PEX7: variants seen among roughly 807,000 people sequenced by gnomAD.
The protein encoded by PEX7 is peroxisomal biogenesis factor 7.
A neutral mutation model predicts 47.5 loss-of-function variants in PEX7; 34 were observed. That is an observed-to-expected ratio of 0.72 (90% CI 0.54 to 0.95). The LOEUF is 0.95. Among genes scored for constraint, PEX7 ranks in the 40% least tolerant of loss-of-function variants. The pLI is 0.00. For synonymous variants in PEX7, 141 were observed against 148.8 expected, an observed-to-expected ratio of 0.95 and a Z score of 0.38; for missense variants, 394 against 400.3, an observed-to-expected ratio of 0.98 and a Z score of 0.13.
intron 8 of PEX7, among the ~76,000 whole-genome samples, chr6:136,891,679 C>T (rs1348160834): frequency 2.0e-5 from 3 of 148,128 alleles, no homozygotes; most frequent in African/African-American, 5.0e-5. Flanking sequence ...GACAGAGTCT[C>T]ACTCTGTTGC....
intron 9 of PEX7, chr6:136,901,028 G>T (rs1411562333): frequency 4.8e-6 from 1 of 206,344 alleles, no homozygotes; most frequent in African/African-American, 2.3e-5. Context: ...GTCCCTTTTG[G>T]GCTGGATGTC....
At chr6:136,825,426 T>C (rs911024171) in intron 2 of PEX7, among the ~76,000 whole-genome samples, 155 bp downstream of exon 2, 2 of 152,174 alleles carry the variant, frequency 1.3e-5, no homozygotes, top group African/African-American at 2.4e-5. Context: ...ATTGTGGTGG[T>C]GCGCACCTGT....
At chr6:136,823,935 A>G (rs1014409996) in intron 1 of PEX7, among the ~76,000 whole-genome samples, 2 of 152,246 alleles carry the variant, frequency 1.3e-5, no homozygotes, top group Non-Finnish European at 2.9e-5. Flanking sequence ...GAAAAGGCGT[A>G]GGTTCATTCT....
chr6:136,866,442 C>G (rs1056807871), intron 5 of PEX7, among the ~76,000 whole-genome samples, 185 bp from the exon 6 acceptor site: 1 of 152,108 alleles, frequency 6.6e-6, no homozygotes, highest in African/African-American at 2.4e-5. Context: ...TGCAACGTCA[C>G]TTTTTGTATT....
At chr6:136,876,284 G>T (rs893483870) in intron 8 of PEX7, among the ~76,000 whole-genome samples, 4 of 152,054 alleles carry the variant, frequency 2.6e-5, no homozygotes, top group African/African-American at 9.7e-5. Flanking sequence ...TGATCCACCC[G>T]CCTCAGCCTC....
At chr6:136,823,368 A>G (rs1774121101) in intron 1 of PEX7, 3 of 984,842 alleles carry the variant, frequency 3.0e-6, no homozygotes, top group Non-Finnish European at 3.6e-6. Flanking sequence ...CGAGGAATGC[A>G]CACATTCGCA....
At chr6:136,898,960 G>A (rs1350706337) in intron 9 of PEX7, among the ~76,000 whole-genome samples, 1 of 151,576 alleles carries the variant, frequency 6.6e-6, no homozygotes, top group Non-Finnish European at 1.5e-5. Context: ...AAATTGTAGA[G>A]CATGACTGTG....
At chr6:136,911,346 C>T (rs1290774756) in intron 9 of PEX7, among the ~76,000 whole-genome samples, 1 of 152,170 alleles carries the variant, frequency 6.6e-6, no homozygotes, top group East Asian at 1.9e-4. Flanking sequence ...TTGCTGAGCA[C>T]ATGCTGTTGT....
chr6:136,873,485 G>A (rs1403005175), intron 8 of PEX7, among the ~76,000 whole-genome samples: 1 of 152,126 alleles, frequency 6.6e-6, no homozygotes, highest in Non-Finnish European at 1.5e-5. Flanking sequence ...TTGATACTCA[G>A]TAGCAATGTT....
rs1330909297 is a variant in PEX7, at chr6:136,826,454, A to G, written c.324A>G (p.Lys108=). ...CTGCAGGGCCACTGCAAGTCTATAA[A>G]GAACACGCTCAGGAGGTAGGAGGGA... ...AKAAGPLQVY[K]EHAQEVYSVD... The change falls in exon 3 of 10, where the codon AAA becomes AAG. Residue 108 remains lysine (K), a synonymous_variant. Coordinates refer to ENST00000318471, the MANE Select transcript of PEX7 (RefSeq NM_000288.4). 6.2e-6 allele frequency: 10 copies of G among 1,614,058 alleles called. No individual in the cohort carries two copies. The highest frequency in any genetic ancestry group is 8.5e-6 in the Non-Finnish European group (10 of 1,180,018).
At chr6:136,823,599 A>C (rs774879913) in intron 1 of PEX7, among the ~76,000 whole-genome samples, 9 of 152,208 alleles carry the variant, frequency 5.9e-5, no homozygotes, top group Non-Finnish European at 7.4e-5. Flanking sequence ...CTTAAAAAGA[A>C]AAAAGGCCAA....
chr6:136,848,966 G>C (rs1774685361), intron 5 of PEX7, among the ~76,000 whole-genome samples: 1 of 152,154 alleles, frequency 6.6e-6, no homozygotes, highest in African/African-American at 2.4e-5. Context: ...ATTCGGCTGT[G>C]AATCTGTCTG....
intron 5 of PEX7, among the ~76,000 whole-genome samples, chr6:136,849,988 A>C (rs1774710186): frequency 6.6e-6 from 1 of 152,094 alleles, no homozygotes; most frequent in Non-Finnish European, 1.5e-5. Flanking sequence ...GTGGGAGTCT[A>C]AGTCTCTTTG....
rs757531601 is a variant in PEX7, at chr6:136,866,753, C to T, written c.633+20C>T. 1.5e-5 allele frequency: 23 copies of T among 1,563,236 alleles called. No individual in the cohort carries two copies. The highest frequency in any genetic ancestry group is 1.4e-5 in the African/African-American group (1 of 73,880). ...AATGAGGTATAGTGTATGGCTCTAT[C>T]CTATGCTGCTGTCCTTCCTAATGTT... On this transcript the variant is annotated intron_variant, in intron 6 of 9. Transcript: ENST00000318471.
At chr6:136,886,515 TG>T (rs1412633348) in intron 8 of PEX7, among the ~76,000 whole-genome samples, 1 of 152,188 alleles carries the variant, frequency 6.6e-6, no homozygotes, top group Admixed American at 6.5e-5. Flanking sequence ...GTAGTAATAA[TG>T]TTTCCCATTT....
In PEX7 at chr6:136,869,911, G is replaced by T. The variant is rs750601054; in HGVS notation, c.655G>T (p.Val219Phe). 4 of 1,613,874 alleles carry T rather than the reference G, an allele frequency of 2.5e-6. No individual in the cohort carries two copies. In the South Asian group the frequency reaches 4.4e-5, roughly 18 times the overall value. Residue 219 changes from valine (V) to phenylalanine (F), a missense_variant, in exon 7 of 10, where the codon GTT becomes TTT. Physicochemically the swap from Val to Phe is conservative, Grantham distance 50. Transcript: ENST00000318471. ...TTAGAATTTGCTGGTGACCGGGGCG[G>T]TTGACTGTAGTTTGAGAGGCTGGGA... Reference protein sequence around the residue: ...YNENLLVTGAVDCSLRGWDLR... With the variant: ...YNENLLVTGAFDCSLRGWDLR...
intron 5 of PEX7, among the ~76,000 whole-genome samples, chr6:136,850,072 T>A (rs1008892380): frequency 1.3e-5 from 2 of 152,138 alleles, no homozygotes; most frequent in Admixed American, 1.3e-4. Flanking sequence ...GATAGTTAGC[T>A]CTTCTTGTTG....
intron 8 of PEX7, among the ~76,000 whole-genome samples, chr6:136,896,909 G>A (rs976448946): frequency 5.9e-5 from 9 of 152,174 alleles, no homozygotes; most frequent in Admixed American, 3.9e-4. Flanking sequence ...ATAATTCACT[G>A]TCTCTAGAAT....
chr6:136,845,513 G>T, intron 3 of PEX7, 102 bp from the exon 4 acceptor site: 3 of 760,156 alleles, frequency 3.9e-6, no homozygotes, highest in African/African-American at 1.7e-5. Context: ...TTTTGACATA[G>T]TAAATTAGTT....
Sources: allele counts gnomAD v4.1 joint callset (sites outside exome capture counted in the v4.1 genomes callset), GRCh38; gene constraint gnomAD v4.1.1; transcripts MANE v1.5; gene names NCBI Gene and HGNC (gene_info 2026-07-23, HGNC 2026-07-21).